Variants in SHC4 observed in about 807,000 individuals in gnomAD.
SHC4 encodes SHC adaptor protein 4, also known as SHC-transforming protein 4.
A neutral mutation model predicts 69.4 loss-of-function variants in SHC4; 41 were observed. The observed-to-expected ratio is 0.59, with a 90% confidence interval of 0.46 to 0.77. The LOEUF (loss-of-function observed/expected upper bound fraction) is 0.77. SHC4 is among the 30% of genes least tolerant of loss of function. The pLI, the probability that SHC4 is intolerant of heterozygous loss-of-function variation, is 0.00. For synonymous variants in SHC4, 318 were observed against 299.3 expected, an observed-to-expected ratio of 1.06 and a Z score of -0.64; for missense variants, 777 against 783.8, an observed-to-expected ratio of 0.99 and a Z score of 0.10.
chr15:48,907,771 C>CATAT (rs59241668), intron 2 of SHC4, among the ~76,000 whole-genome samples: 6 of 147,122 alleles, frequency 4.1e-5, no homozygotes, highest in African/African-American at 1.5e-4. Context: ...AGTATTCCAT[C>CATAT]ATATATATAT....
chr15:48,953,236 G>A (rs553823987), intron 1 of SHC4, among the ~76,000 whole-genome samples: 2 of 152,130 alleles, frequency 1.3e-5, no homozygotes, highest in Non-Finnish European at 2.9e-5. Flanking sequence ...TGGACATATA[G>A]AGGGGAACAA....
At chr15:48,930,491 A>G (rs964582605) in intron 1 of SHC4, among the ~76,000 whole-genome samples, 9 of 152,174 alleles carry the variant, frequency 5.9e-5, no homozygotes, top group Non-Finnish European at 1.2e-4. Flanking sequence ...TTATAATAAG[A>G]GTGCTAAGAC....
chr15:48,868,644 G>T (rs1899607294), intron 5 of SHC4, among the ~76,000 whole-genome samples: 1 of 152,146 alleles, frequency 6.6e-6, no homozygotes, highest in African/African-American at 2.4e-5. Context: ...TCCATTTGCA[G>T]ATTAGAAGTA....
intron 4 of SHC4, chr15:48,878,159 G>A (rs376129599): frequency 6.5e-7 from 1 of 1,527,434 alleles, no homozygotes; most frequent in Non-Finnish European, 8.8e-7. Context: ...TTTTCCTAGA[G>A]GTTGAGCGGT....
intron 10 of SHC4, 37 bp downstream of exon 10, chr15:48,843,372 C>T (rs547515394): frequency 1.3e-6 from 2 of 1,546,670 alleles, no homozygotes; most frequent in Admixed American, 1.9e-5. Flanking sequence ...TTAAAACAGC[C>T]CTAAGAAATG....
chr15:48,905,757 A>G (rs926520642), intron 2 of SHC4, among the ~76,000 whole-genome samples: 2 of 152,244 alleles, frequency 1.3e-5, no homozygotes, highest in Admixed American at 1.3e-4. Flanking sequence ...ACTTGAAGCC[A>G]TCTATTACCA....
In SHC4 at chr15:48,962,966, C is replaced by A. The variant is rs764682014; in HGVS notation, c.50G>T (p.Gly17Val). The A allele has an allele frequency of 6.2e-7, 1 of 1,612,904 alleles. No individual in the cohort carries two copies. The highest frequency in any genetic ancestry group is 8.5e-7 in the Non-Finnish European group (1 of 1,179,878). The change falls in exon 1 of 12, where the codon GGA becomes GTA. Residue 17 changes from glycine to valine, a missense_variant. Physicochemically the swap from Gly to Val is moderately radical, Grantham distance 109. Coordinates refer to ENST00000332408, the MANE Select transcript of SHC4 (RefSeq NM_203349.4). ...DSLAGLVLYV[G>V]LFGHPGMLHR... ...CAGCATCCCGGGGTGCCCGAAGAGTCCTACATACAGCACGAGTCCTGCCAG... is the reference window on the plus strand; with the variant it reads ...CAGCATCCCGGGGTGCCCGAAGAGTACTACATACAGCACGAGTCCTGCCAG...
chr15:48,878,735 G>A (rs1395932564), intron 4 of SHC4: 2 of 1,610,822 alleles, frequency 1.2e-6, no homozygotes, highest in Non-Finnish European at 1.7e-6. Context: ...TATTGATAGA[G>A]AGTAGTTAGA....
At chr15:48,924,563 G>C (rs1467873637) in intron 2 of SHC4, among the ~76,000 whole-genome samples, 1 of 152,140 alleles carries the variant, frequency 6.6e-6, no homozygotes, top group Admixed American at 6.5e-5. Flanking sequence ...TTCCTTGACA[G>C]GTCTGATTCT....
intron 10 of SHC4, among the ~76,000 whole-genome samples, chr15:48,836,023 CAAAAAAAAAAA>C (rs57343981): frequency 1.2e-4 from 7 of 60,106 alleles, no homozygotes; most frequent in African/African-American, 1.5e-4. Flanking sequence ...ACAAAAAATC[CAAAAAAAAAAA>C]AAAAAAAAAA....
intron 1 of SHC4, among the ~76,000 whole-genome samples, chr15:48,936,095 C>A (rs925052135): frequency 3.9e-5 from 6 of 151,984 alleles, no homozygotes; most frequent in African/African-American, 1.5e-4. Context: ...AGTGTTGTAT[C>A]CCCAACACCT....
intron 2 of SHC4, among the ~76,000 whole-genome samples, chr15:48,905,094 C>G (rs1260456597): frequency 2.0e-5 from 3 of 152,150 alleles, no homozygotes; most frequent in Admixed American, 6.5e-5. Context: ...TTTAGATTCT[C>G]TAGGTCTTTT....
chr15:48,960,514 C>G (rs1221082604), intron 1 of SHC4, among the ~76,000 whole-genome samples: 2 of 152,176 alleles, frequency 1.3e-5, no homozygotes, highest in African/African-American at 2.4e-5. Flanking sequence ...CTGCATGTCC[C>G]ATACATTTAT....
chr15:48,929,401 C>T (rs973990715), intron 1 of SHC4, among the ~76,000 whole-genome samples: 1 of 152,136 alleles, frequency 6.6e-6, no homozygotes, highest in Non-Finnish European at 1.5e-5. Flanking sequence ...AAAGAGATGA[C>T]CTATCTTTTC....
chr15:48,951,805 C>T (rs1901369845), intron 1 of SHC4, among the ~76,000 whole-genome samples: 2 of 152,162 alleles, frequency 1.3e-5, no homozygotes, highest in Admixed American at 1.3e-4. Context: ...CTCTGAACTC[C>T]CATAATCCTT....
chr15:48,872,980 A>T (rs1899714706), intron 4 of SHC4, among the ~76,000 whole-genome samples: 1 of 152,230 alleles, frequency 6.6e-6, no homozygotes, highest in African/African-American at 2.4e-5. Context: ...ATTATATAAG[A>T]TGACCAGCAA....
chr15:48,856,875 A>G (rs1241067567), intron 7 of SHC4, among the ~76,000 whole-genome samples: 1 of 152,166 alleles, frequency 6.6e-6, no homozygotes, highest in Non-Finnish European at 1.5e-5. Context: ...TGTCAATAAA[A>G]TGATAGCACT....
At chr15:48,949,026 T>C (rs192358374) in intron 1 of SHC4, among the ~76,000 whole-genome samples, 2 of 152,276 alleles carry the variant, frequency 1.3e-5, no homozygotes, top group Non-Finnish European at 2.9e-5. Flanking sequence ...TGTAGTCCTG[T>C]GTCTTCCACT....
At chr15:48,901,625 A>G (rs1900319751) in intron 2 of SHC4, among the ~76,000 whole-genome samples, 1 of 152,262 alleles carries the variant, frequency 6.6e-6, no homozygotes, top group African/African-American at 2.4e-5. Flanking sequence ...ACAAAAGTGC[A>G]AAATTATAGT....
Sources: allele counts gnomAD v4.1 joint callset (sites outside exome capture counted in the v4.1 genomes callset), GRCh38; gene constraint gnomAD v4.1.1; transcripts MANE v1.5; gene names NCBI Gene and HGNC (gene_info 2026-07-23, HGNC 2026-07-21).